Variants in DMTF1 observed in about 807,000 individuals in gnomAD.
The protein encoded by DMTF1 is cyclin D binding myb like transcription factor 1, also known as cyclin-D-binding Myb-like transcription factor 1.
A neutral mutation model predicts 91.1 loss-of-function variants in DMTF1; 39 were observed. The ratio of observed to expected loss-of-function variants is 0.43; its 90% CI spans 0.33 to 0.56. The LOEUF is 0.56. Among genes scored for constraint, DMTF1 ranks in the 20% least tolerant of loss-of-function variants. The pLI is 0.05. For missense variants in DMTF1, 750 were observed against 914.5 expected (o/e 0.82, Z 2.32); for synonymous variants, 338 against 309.5 (o/e 1.09, Z -0.97).
intron 1 of DMTF1, chr7:87,154,152 A>G (rs1482490466): frequency 6.6e-6 from 1 of 152,246 alleles, no homozygotes; most frequent in East Asian, 1.9e-4. Context: ...TTAAAGCTAC[A>G]TTCCTTAACG....
chr7:87,183,154 C>T (rs564503802), intron 10 of DMTF1, among the ~76,000 whole-genome samples: 1 of 152,314 alleles, frequency 6.6e-6, no homozygotes, highest in African/African-American at 2.4e-5. Context: ...TAACCCCCTG[C>T]TCTAAAAATG....
chr7:87,170,073 T>G (rs1281275607), intron 4 of DMTF1, among the ~76,000 whole-genome samples: 1 of 152,228 alleles, frequency 6.6e-6, no homozygotes, highest in Non-Finnish European at 1.5e-5. Context: ...TTTTACAATC[T>G]TCTCCTACTA....
Position 87,194,049 on chromosome 7 carries a change from G to A in DMTF1, c.1975G>A (p.Asp659Asn), listed in dbSNP as rs753480526. ...VRTEEEISDT[D>N]LKQEESPSDL... is the part of the protein sequence containing the mutation. ...AACAGAAGAAGAAATCTCTGACACC[G>A]ACCTTAAACAAGAGGAATCACCCTC... The change falls in exon 16 of 18, where the codon GAC (aspartate) becomes AAC (asparagine). Residue 659 changes from aspartate (D) to asparagine (N), a missense_variant. Physicochemically the swap from Asp to Asn is conservative, Grantham distance 23. Transcript: ENST00000331242. The A allele has an allele frequency of 1.6e-5, 26 of 1,611,372 alleles. No homozygotes were observed. The highest frequency in any genetic ancestry group is 2.1e-5 in the Non-Finnish European group (25 of 1,178,910).
In DMTF1 at chr7:87,188,086, C is replaced by T. The variant is rs777030840; in HGVS notation, c.1202-6C>T. 6.2e-7 allele frequency: 1 copy of T among 1,611,822 alleles called. No homozygotes were observed. The highest frequency in any genetic ancestry group is 1.7e-5 in the Admixed American group (1 of 59,932). On this transcript the variant is annotated splice_region_variant and splice_polypyrimidine_tract_variant and intron_variant, in intron 12 of 17. Coordinates refer to ENST00000331242, the MANE Select transcript of DMTF1 (RefSeq NM_001142327.2). ...ATGTTCTTTTTGTCTACCCATCTCC[C>T]TTCAGTCTTAATAAAAGGTCTTAAA...
At chr7:87,165,259 T>A (rs1793560342) in intron 3 of DMTF1, among the ~76,000 whole-genome samples, 1 of 140,988 alleles carries the variant, frequency 7.1e-6, no homozygotes. Context: ...CCAAAGGTAA[T>A]GATGGAATAA....
intron 1 of DMTF1, among the ~76,000 whole-genome samples, chr7:87,162,255 T>G (rs1159519630): frequency 6.6e-6 from 1 of 152,116 alleles, no homozygotes; most frequent in Non-Finnish European, 1.5e-5. Flanking sequence ...TTATTTTTTT[T>G]CTGGAGACTA....
At chr7:87,170,704 A>G (rs549394004) in intron 4 of DMTF1, among the ~76,000 whole-genome samples, 10 of 152,062 alleles carry the variant, frequency 6.6e-5, no homozygotes, top group East Asian at 5.8e-4. Context: ...TCACCATCCA[A>G]CGTAGTATCT....
chr7:87,168,375 T>A (rs1794296202), intron 4 of DMTF1, among the ~76,000 whole-genome samples: 1 of 152,200 alleles, frequency 6.6e-6, no homozygotes, highest in Non-Finnish European at 1.5e-5. Context: ...CACTCTTACC[T>A]ATTACTAGAG....
intron 7 of DMTF1, among the ~76,000 whole-genome samples, chr7:87,178,546 A>C (rs1796718944): frequency 6.6e-6 from 1 of 152,074 alleles, no homozygotes; most frequent in African/African-American, 2.4e-5. Context: ...TTACATTAAT[A>C]ATTTCCCTGA....
At chr7:87,168,126 T>C (rs2129082045) in intron 4 of DMTF1, among the ~76,000 whole-genome samples, 1 of 152,324 alleles carries the variant, frequency 6.6e-6, no homozygotes, top group East Asian at 1.9e-4. Context: ...AAGCCTTATG[T>C]TTAGCAATAA....
chr7:87,162,354 C>G (rs993050377), intron 1 of DMTF1, among the ~76,000 whole-genome samples: 3 of 152,180 alleles, frequency 2.0e-5, no homozygotes, highest in Admixed American at 1.3e-4. Flanking sequence ...AGCCACCACG[C>G]CTGGTGCAGT....
intron 4 of DMTF1, among the ~76,000 whole-genome samples, chr7:87,168,570 T>C (rs1306951291): frequency 2.0e-5 from 3 of 152,242 alleles, no homozygotes; most frequent in Non-Finnish European, 2.9e-5. Flanking sequence ...TTTACTTTTA[T>C]GGTTAATCAT....
At chr7:87,167,667 G>T (rs1253956908) in intron 4 of DMTF1, among the ~76,000 whole-genome samples, 1 of 152,196 alleles carries the variant, frequency 6.6e-6, no homozygotes, top group Non-Finnish European at 1.5e-5. Context: ...TTAGTTTACT[G>T]TAAGACTTAA....
chr7:87,168,891 T>C (rs1017863503), intron 4 of DMTF1, among the ~76,000 whole-genome samples: 2 of 152,220 alleles, frequency 1.3e-5, no homozygotes, highest in East Asian at 3.8e-4. Context: ...TCTGAGCTGA[T>C]AACCCTATTC....
At chr7:87,159,494 C>T (rs557412848) in intron 1 of DMTF1, among the ~76,000 whole-genome samples, 27 of 152,282 alleles carry the variant, frequency 1.8e-4, no homozygotes, top group East Asian at 5.8e-4. Flanking sequence ...TGCTGCTACC[C>T]TCAGGTATTT....
At chr7:87,185,790 T>A (rs1468276896) in intron 11 of DMTF1, 39 bp from the exon 12 acceptor site, 2 of 1,610,904 alleles carry the variant, frequency 1.2e-6, no homozygotes, top group East Asian at 2.2e-5. Flanking sequence ...TATAGAGAAA[T>A]TAATTTAATG....
chr7:87,191,608 A>G (rs886157655), intron 14 of DMTF1, among the ~76,000 whole-genome samples: 1 of 152,180 alleles, frequency 6.6e-6, no homozygotes, highest in African/African-American at 2.4e-5. Context: ...TTACTCAGCA[A>G]TGAAATACTG....
In DMTF1 at chr7:87,182,295, G is replaced by A; in HGVS notation, c.778G>A (p.Val260Ile). ...GGCGCTAGGAAGAAGTGCATCTTCT[G>A]TCAAAGATCGGTGCCGACTGATGAA... ...GAALGRSASSVKDRCRLMKDT... is the reference protein window; with the variant it reads ...GAALGRSASSIKDRCRLMKDT... Residue 260 changes from valine (V) to isoleucine (I), a missense_variant, in exon 10 of 18, where the codon GTC becomes ATC. By Grantham distance (29) the Val-to-Ile change is conservative (BLOSUM62 3). Around this residue, in one of 3 missense-constraint regions of DMTF1, gnomAD observed 190 missense variants for 343.8 expected, o/e 0.55. Transcript: ENST00000331242. The A allele has an allele frequency of 6.2e-7, 1 of 1,614,112 alleles. No individual in the cohort carries two copies. The highest frequency in any genetic ancestry group is 8.5e-7 in the Non-Finnish European group (1 of 1,179,982).
intron 7 of DMTF1, among the ~76,000 whole-genome samples, chr7:87,175,368 C>G (rs1796055222): frequency 1.3e-5 from 2 of 151,942 alleles, no homozygotes. Flanking sequence ...TAGTCCTTAC[C>G]TTTTAAAAAA....
Sources: allele counts gnomAD v4.1 joint callset (sites outside exome capture counted in the v4.1 genomes callset), GRCh38; gene constraint gnomAD v4.1.1; regional missense constraint gnomAD v4.1.1; transcripts MANE v1.5; gene names NCBI Gene and HGNC (gene_info 2026-07-23, HGNC 2026-07-21).